Variants in UCK2 observed in about 807,000 individuals in gnomAD.
The protein encoded by UCK2 is uridine-cytidine kinase 2.
Under a neutral mutation model 30.8 loss-of-function variants are expected in UCK2, and 6 were observed. The ratio of observed to expected loss-of-function variants is 0.19; its 90% confidence interval spans 0.11 to 0.38. UCK2 has a LOEUF of 0.38. Among genes scored for constraint, UCK2 ranks in the 10% least tolerant of loss-of-function variants. The pLI is 1.00. For missense variants in UCK2, 210 were observed against 339.8 expected, an observed-to-expected ratio of 0.62 and a Z score of 3.00; for synonymous variants, 125 against 133.6, an observed-to-expected ratio of 0.94 and a Z score of 0.45.
chr1:165,839,408 T>C (rs1367049909), intron 1 of UCK2, among the ~76,000 whole-genome samples: 1 of 152,156 alleles, frequency 6.6e-6, no homozygotes, highest in Non-Finnish European at 1.5e-5. Context: ...ATTTGATTTC[T>C]GGAGGAAGGG....
At chr1:165,895,177 G>T (rs143196695) in intron 3 of UCK2, among the ~76,000 whole-genome samples, 1 of 152,194 alleles carries the variant, frequency 6.6e-6, no homozygotes, top group Non-Finnish European at 1.5e-5. Context: ...ACTTTGGGAG[G>T]CTGAGGTGGG....
chr1:165,849,197 C>T (rs1654530003), intron 1 of UCK2, among the ~76,000 whole-genome samples: 1 of 152,158 alleles, frequency 6.6e-6, no homozygotes, highest in Admixed American at 6.5e-5. Context: ...TTCCTTGGTA[C>T]AGTCTACCCA....
intron 1 of UCK2, among the ~76,000 whole-genome samples, chr1:165,857,057 GA>G (rs1654766326): frequency 1.3e-5 from 2 of 152,102 alleles, no homozygotes; most frequent in African/African-American, 4.8e-5. Context: ...ATAGTTACTA[GA>G]ATCTTCACAT....
intron 1 of UCK2, among the ~76,000 whole-genome samples, chr1:165,844,723 G>A (rs1654406291): frequency 6.6e-6 from 1 of 152,168 alleles, no homozygotes; most frequent in South Asian, 2.1e-4. Flanking sequence ...ACTAATGACA[G>A]CATTGTGATC....
At chr1:165,869,748 G>C (rs1247080839) in intron 1 of UCK2, among the ~76,000 whole-genome samples, 1 of 137,310 alleles carries the variant, frequency 7.3e-6, no homozygotes, top group Non-Finnish European at 1.5e-5. Flanking sequence ...ATAGCTCACT[G>C]CAGGCTCAAG....
At chr1:165,848,562 G>A (rs1030983301) in intron 1 of UCK2, among the ~76,000 whole-genome samples, 1 of 151,824 alleles carries the variant, frequency 6.6e-6, no homozygotes, top group Non-Finnish European at 1.5e-5. Flanking sequence ...AACCCACCGA[G>A]GCGGAGGTTG....
chr1:165,867,463 A>G (rs1655074590), intron 1 of UCK2, among the ~76,000 whole-genome samples: 1 of 152,246 alleles, frequency 6.6e-6, no homozygotes, highest in African/African-American at 2.4e-5. Context: ...AAAAAATAAA[A>G]AATTTAAAAA....
rs566051036 is a variant in UCK2 at position 165,861,614 on chromosome 1, C to A, written c.100-28590C>A. Among the ~76,000 whole-genome samples the A allele has an allele frequency of 3.9e-3, 335 of 85,820 alleles. 4 individuals carry two copies. In the Admixed American group the frequency reaches 0.051, roughly 13 times the overall value. 56.3% of individuals were successfully genotyped at this position (85,820 alleles called of 152,430 possible). A position where few individuals can be genotyped will look rare whatever the true frequency, so the allele number is the denominator to read the frequency against. ...CCGCACTCCAGCCTGGGCGACAGAGCGAGACTCCGTCTCAAAAAAAAAAAA... is the reference window on the plus strand; with the variant it reads ...CCGCACTCCAGCCTGGGCGACAGAGAGAGACTCCGTCTCAAAAAAAAAAAA... On this transcript the variant is annotated intron_variant, in intron 1 of 6. Coordinates refer to ENST00000367879, the MANE Select transcript of UCK2 (RefSeq NM_012474.5).
chr1:165,894,717 A>T (rs999762928), intron 3 of UCK2: 2 of 151,900 alleles, frequency 1.3e-5, no homozygotes, highest in African/African-American at 4.8e-5. Flanking sequence ...CTACCCTAGC[A>T]GTGCCTGCCT....
At chr1:165,835,218 C>T (rs72699964) in intron 1 of UCK2, among the ~76,000 whole-genome samples, 84 of 149,922 alleles carry the variant, frequency 5.6e-4, no homozygotes, top group Admixed American at 2.2e-3. Context: ...GGGCTGATAA[C>T]AGTGCTGATT....
intron 1 of UCK2, among the ~76,000 whole-genome samples, chr1:165,881,550 C>T (rs1291303762): frequency 1.3e-5 from 2 of 152,106 alleles, no homozygotes; most frequent in Non-Finnish European, 2.9e-5. Context: ...GACTTTGGTC[C>T]GAGTCACTTA....
At chr1:165,840,893 A>G (rs1654312176) in intron 1 of UCK2, among the ~76,000 whole-genome samples, 1 of 152,174 alleles carries the variant, frequency 6.6e-6, no homozygotes, top group Non-Finnish European at 1.5e-5. Context: ...AGCAAAATGT[A>G]TAAATTCTAA....
At chr1:165,865,748 A>G (rs914613043) in intron 1 of UCK2, among the ~76,000 whole-genome samples, 1 of 152,188 alleles carries the variant, frequency 6.6e-6, no homozygotes, top group African/African-American at 2.4e-5. Context: ...AAGCACTCTG[A>G]TGACAGAGCT....
In UCK2 at chr1:165,908,144, CT is replaced by C. The variant is rs1557852265; in HGVS notation, c.*322del. 1 of 188,146 alleles carries C rather than the reference CT, an allele frequency of 5.3e-6. No individual in the cohort carries two copies. Among genetic ancestry groups the C allele is most frequent in the Non-Finnish European group, 1.1e-5 (1 of 90,458 alleles). The allele number at this position is 188,146 out of a possible 1,614,324, so 11.7% of individuals were successfully genotyped here. On this transcript the variant is annotated 3_prime_UTR_variant, in exon 7 of 7. Transcript: ENST00000367879. ...GTGTAAATGTACAAATACTGTAAAG[CT>C]GTTTGCCATAAGTATTTTGCAGGAG...
intron 1 of UCK2, among the ~76,000 whole-genome samples, chr1:165,837,854 C>T (rs1401417705): frequency 3.3e-5 from 5 of 152,184 alleles, no homozygotes; most frequent in East Asian, 1.9e-4. Flanking sequence ...ACCCCTTGAA[C>T]GTGCTCAATC....
intron 1 of UCK2, among the ~76,000 whole-genome samples, chr1:165,855,375 T>C (rs1654718148): frequency 6.6e-6 from 1 of 152,216 alleles, no homozygotes; most frequent in Non-Finnish European, 1.5e-5. Flanking sequence ...AGCAACAGAT[T>C]CTACTTCCTT....
rs1647731561 is a variant in UCK2 at position 165,908,041 on chromosome 1, C to T, written c.*218C>T. On this transcript the variant is annotated 3_prime_UTR_variant, in exon 7 of 7. Coordinates refer to ENST00000367879, the MANE Select transcript of UCK2 (RefSeq NM_012474.5). ...TTAAATAACAAAACTGTGCCAACTACTACTGGTGATGCCTAATTATGAATC... is the reference window on the plus strand; with the variant it reads ...TTAAATAACAAAACTGTGCCAACTATTACTGGTGATGCCTAATTATGAATC... 3.6e-6 allele frequency: 2 copies of T among 548,684 alleles called. No homozygotes were observed. The highest frequency in any genetic ancestry group is 3.7e-5 in the Admixed American group (1 of 26,820). The allele number at this position is 548,684 out of a possible 1,614,324, so 34.0% of individuals were successfully genotyped here.
At chr1:165,867,023 T>C (rs1388728376) in intron 1 of UCK2, among the ~76,000 whole-genome samples, 1 of 152,234 alleles carries the variant, frequency 6.6e-6, no homozygotes, top group Non-Finnish European at 1.5e-5. Flanking sequence ...GTGAATATCA[T>C]AGTAAAGTGT....
intron 1 of UCK2, among the ~76,000 whole-genome samples, chr1:165,879,446 C>T (rs1176759535): frequency 1.3e-5 from 2 of 152,050 alleles, no homozygotes; most frequent in East Asian, 3.8e-4. Context: ...TTCATATTTG[C>T]GTGGGTCTGA....
Sources: allele counts gnomAD v4.1 joint callset (sites outside exome capture counted in the v4.1 genomes callset), GRCh38; gene constraint gnomAD v4.1.1; transcripts MANE v1.5; gene names NCBI Gene and HGNC (gene_info 2026-07-23, HGNC 2026-07-21).